The following MGRN1 variants were observed in gnomAD, a reference collection of about 807,000 sequenced individuals.
MGRN1 encodes the protein mahogunin ring finger 1.
In MGRN1, 29 loss-of-function variants were observed where a neutral mutation model predicts 69.2. The ratio of observed to expected loss-of-function variants is 0.42; its 90% CI spans 0.31 to 0.57. The LOEUF (loss-of-function observed/expected upper bound fraction) is 0.57, where lower values mean the gene tolerates loss of function less well. MGRN1 is among the 20% of genes least tolerant of loss of function. The pLI, the probability that MGRN1 is intolerant of heterozygous loss-of-function variation, is 0.15. For missense variants in MGRN1, 998 were observed against 796.2 expected (o/e 1.25, Z -3.05); for synonymous variants, 470 against 344.2 (o/e 1.37, Z -4.04).
intron 7 of MGRN1, among the ~76,000 whole-genome samples, chr16:4,667,165 C>G (rs2078823413): frequency 6.6e-6 from 1 of 152,208 alleles, no homozygotes; most frequent in African/African-American, 2.4e-5. Context: ...CTGCCTAGCC[C>G]AGGCTCTCCA....
intron 5 of MGRN1, among the ~76,000 whole-genome samples, chr16:4,657,574 C>T (rs76427556): frequency 6.4e-4 from 97 of 152,224 alleles, no homozygotes; most frequent in Non-Finnish European, 1.2e-3. Context: ...GACCAGAGGC[C>T]GACCAGGCAG....
rs545933445 is a variant in MGRN1 at position 4,677,856 on chromosome 16, T to C, written c.1065+284T>C. Among the ~76,000 whole-genome samples the C allele has an allele frequency of 4.1e-3, 520 of 125,962 alleles. 2 individuals carry two copies. Among genetic ancestry groups the C allele is most frequent in the African/African-American group, 0.014 (495 of 35,710 alleles). 82.6% of individuals were successfully genotyped at this position (125,962 alleles called of 152,430 possible). On this transcript the variant is annotated intron_variant, in intron 11 of 16. Transcript: ENST00000262370. Reference sequence around the variant, plus strand: ...AGGTGCTTTTTTTTTTTTTTTTTTCTTTTTGAGGCAGGGTCTCGGTCTGTC... The same window carrying C: ...AGGTGCTTTTTTTTTTTTTTTTTTCCTTTTGAGGCAGGGTCTCGGTCTGTC...
intron 5 of MGRN1, 89 bp from the exon 6 acceptor site, chr16:4,664,620 C>G: frequency 7.2e-7 from 1 of 1,383,064 alleles, no homozygotes; most frequent in Non-Finnish European, 1.0e-6. Flanking sequence ...CTGCTCCTGC[C>G]TGCTTTGTCC....
rs2078371889 is a variant in MGRN1, at chr16:4,650,235, G to A, written c.89-130G>A. On this transcript the variant is annotated intron_variant, in intron 1 of 16. Coordinates refer to ENST00000262370, the MANE Select transcript of MGRN1 (RefSeq NM_015246.4). ...GAAGAATCGCTTGAACCCGGTGGGC[G>A]GAGCTTGCAGTGAGCTGAGATAGCG... The A allele has an allele frequency of 5.6e-5, 36 of 642,810 alleles. 1 individual carries two copies. In the South Asian group the frequency reaches 6.5e-4, roughly 12 times the overall value. 39.8% of individuals were successfully genotyped at this position (642,810 alleles called of 1,614,324 possible). A position where few individuals can be genotyped will look rare whatever the true frequency, so the allele number is the denominator to read the frequency against.
chr16:4,686,293 C>T lies in MGRN1; in HGVS notation c.1618+2361C>T, dbSNP rs576156541. On this transcript the variant is annotated intron_variant, in intron 16 of 16. Transcript: ENST00000262370. ...CCGACTCCTGCTCTGTTGGTATAGA[C>T]GAGTAAGCCGGTACGTGACCTCCCA... 1.9e-5 allele frequency: 30 copies of T among 1,545,020 alleles called. No individual in the cohort carries two copies. The East Asian group carries it at 2.0e-4, about 10-fold the overall frequency.
At chr16:4,687,846 C>T (rs1203103093) in intron 16 of MGRN1, 7 of 985,364 alleles carry the variant, frequency 7.1e-6, no homozygotes, top group East Asian at 1.1e-4. Flanking sequence ...CTGCGCTCTG[C>T]ATTCCCATGA....
chr16:4,688,285 G>T (rs1245329832), intron 16 of MGRN1: 2 of 986,352 alleles, frequency 2.0e-6, no homozygotes, highest in Non-Finnish European at 2.4e-6. Context: ...GCAGGCCACA[G>T]TCTGGGCATT....
Position 4,690,079 on chromosome 16 carries a change from C to G in MGRN1, c.*1171C>G, listed in dbSNP as rs1567255270. 1 of 152,410 alleles carries G rather than the reference C, an allele frequency of 6.6e-6. No homozygotes were observed. Among genetic ancestry groups the G allele is most frequent in the African/African-American group, 2.4e-5 (1 of 41,456 alleles). The allele number at this position is 152,410 out of a possible 1,614,324, so 9.4% of individuals were successfully genotyped here. On this transcript the variant is annotated 3_prime_UTR_variant, in exon 17 of 17. Transcript: ENST00000262370. ...GCGCCCGGCCCCCTTGCAGTTCTCT[C>G]TGATTTGGTTTGTTCTGTCTCAGGC...
chr16:4,654,231 G>A (rs749030832), intron 4 of MGRN1, among the ~76,000 whole-genome samples: 27 of 152,144 alleles, frequency 1.8e-4, no homozygotes, highest in Admixed American at 1.8e-3. Flanking sequence ...TTCTGTGTTG[G>A]GAGCAAAGGT....
chr16:4,671,642 C>A (rs973128094), intron 9 of MGRN1, among the ~76,000 whole-genome samples, 183 bp downstream of exon 9: 1 of 152,166 alleles, frequency 6.6e-6, no homozygotes, highest in African/African-American at 2.4e-5. Flanking sequence ...TATCCTTTCT[C>A]CAGCAAATTC....
intron 1 of MGRN1, among the ~76,000 whole-genome samples, chr16:4,648,363 C>T (rs1325881549): frequency 7.7e-6 from 1 of 130,510 alleles, no homozygotes; most frequent in Non-Finnish European, 1.6e-5. Context: ...CGTGGTCACC[C>T]GGCTCCTCCT....
intron 12 of MGRN1, 99 bp downstream of exon 12, chr16:4,680,196 G>A (rs1198252564): frequency 1.7e-6 from 2 of 1,203,704 alleles, no homozygotes; most frequent in African/African-American, 3.0e-5. Flanking sequence ...GCTAGTGTCT[G>A]ATTCATATAA....
Position 4,689,056 on chromosome 16 carries a change from A to C in MGRN1, c.*148A>C, listed in dbSNP as rs1442598067. 4.0e-5 allele frequency: 44 copies of C among 1,099,440 alleles called. No homozygotes were observed. Among genetic ancestry groups the C allele is most frequent in the Non-Finnish European group, 5.3e-5 (42 of 798,118 alleles). The allele number at this position is 1,099,440 out of a possible 1,614,324, so 68.1% of individuals were successfully genotyped here. A position where few individuals can be genotyped will look rare whatever the true frequency, so the allele number is the denominator to read the frequency against. ...GGGCCGTGGTGACTCTTGATCAAAG[A>C]GCACAGTGAACTGTCCCTTCTGAGT... On this transcript the variant is annotated 3_prime_UTR_variant, in exon 17 of 17. Transcript: ENST00000262370.
At chr16:4,679,861 C>G (rs922113268) in intron 11 of MGRN1, among the ~76,000 whole-genome samples, 171 bp from the exon 12 acceptor site, 8 of 152,254 alleles carry the variant, frequency 5.3e-5, no homozygotes, top group African/African-American at 1.9e-4. Flanking sequence ...CATGGCCCAC[C>G]CAGACCCGAG....
intron 1 of MGRN1, among the ~76,000 whole-genome samples, chr16:4,630,296 A>G (rs1897932823): frequency 6.7e-6 from 1 of 149,862 alleles, no homozygotes; most frequent in Admixed American, 6.7e-5. Context: ...CAGAGGTTGC[A>G]GTGAGCCGAG....
intron 1 of MGRN1, among the ~76,000 whole-genome samples, chr16:4,635,801 A>ATTTTTTTTTTTTTTTTTTT (rs34343082): frequency 8.0e-6 from 1 of 125,696 alleles, no homozygotes. Context: ...CGCCCAGCTA[A>ATTTTTTTTTTTTTTTTTTT]TTTTTTTTTT....
chr16:4,657,317 C>G lies in MGRN1; in HGVS notation c.515C>G (p.Ser172Cys), dbSNP rs761712307. The change falls in exon 5 of 17, where the codon TCC (serine) becomes TGC (cysteine). Residue 172 changes from serine (S) to cysteine (C), a missense_variant. Coordinates refer to ENST00000262370, the MANE Select transcript of MGRN1 (RefSeq NM_015246.4). ...AAGAGAGGGGTGAGCCAGCAGTTCT[C>G]CCTGCCCTCCTTCAAGATTGACTTC... ...HYKRGVSQQF[S>C]LPSFKIDFSE... is the part of the protein sequence containing the mutation. 23 of 1,614,176 alleles carry G rather than the reference C, an allele frequency of 1.4e-5. No homozygotes were observed. The South Asian group carries it at 2.4e-4, about 17-fold the overall frequency.
intron 1 of MGRN1, among the ~76,000 whole-genome samples, chr16:4,647,509 C>G (rs1219482173): frequency 6.6e-6 from 1 of 152,218 alleles, no homozygotes; most frequent in Non-Finnish European, 1.5e-5. Flanking sequence ...TGCTCCACCC[C>G]TCGTCTGCTC....
At chr16:4,680,170 A>G in intron 12 of MGRN1, 73 bp downstream of exon 12, 2 of 1,445,730 alleles carry the variant, frequency 1.4e-6, no homozygotes, top group Non-Finnish European at 9.6e-7. Context: ...AGTAGGGGAG[A>G]TCGTTTCCGC....
Sources: allele counts gnomAD v4.1 joint callset (sites outside exome capture counted in the v4.1 genomes callset), GRCh38; gene constraint gnomAD v4.1.1; transcripts MANE v1.5; gene names NCBI Gene and HGNC (gene_info 2026-07-23, HGNC 2026-07-21).